Variants in NECAB2 observed in about 807,000 individuals in gnomAD.
The protein encoded by NECAB2 is N-terminal EF-hand calcium binding protein 2.
In NECAB2, 68 loss-of-function variants were observed where a neutral mutation model predicts 51.9. That is an observed-to-expected ratio of 1.31 (90% CI 1.08 to 1.60). The LOEUF is 1.60. NECAB2 is among the 40% of genes most tolerant of loss of function. The pLI is 0.00. For missense variants in NECAB2, 854 were observed against 490.3 expected, an observed-to-expected ratio of 1.74 and a Z score of -7.00; for synonymous variants, 329 against 203.5, an observed-to-expected ratio of 1.62 and a Z score of -5.25.
At chr16:84,000,667 ACTGAGGTGG>A in intron 10 of NECAB2, 48 bp from the exon 11 acceptor site, 1 of 1,494,038 alleles carries the variant, frequency 6.7e-7, no homozygotes, top group South Asian at 1.1e-5. Flanking sequence ...GGGGAACAGC[ACTGAGGTGG>A]CCTTGGTTGA....
In NECAB2 at chr16:83,973,315, C is replaced by T. The variant is rs142864492; in HGVS notation, c.226+1140C>T. 5.7e-3 allele frequency among the ~76,000 whole-genome samples: 860 copies of T among 152,116 alleles called. 9 individuals are homozygous for T. Among genetic ancestry groups the T allele is most frequent in the African/African-American group, 0.019 (806 of 41,472 alleles). ...TCCCTGGGAGTTCCTGTTGACGGCTCCCACCCAGGGCGGTTGCAGGGTGGA... is the reference window on the plus strand; with the variant it reads ...TCCCTGGGAGTTCCTGTTGACGGCTTCCACCCAGGGCGGTTGCAGGGTGGA... On this transcript the variant is annotated intron_variant, in intron 2 of 12. Transcript: ENST00000305202.
intron 8 of NECAB2, 57 bp downstream of exon 8, chr16:83,994,745 G>A (rs1437057755): frequency 6.3e-7 from 1 of 1,583,406 alleles, no homozygotes; most frequent in African/African-American, 1.3e-5. Flanking sequence ...GGAGTGCAGA[G>A]TTAAGCCTGG....
At chr16:83,997,105 A>C in intron 8 of NECAB2, 111 bp from the exon 9 acceptor site, 1 of 1,289,826 alleles carries the variant, frequency 7.8e-7, no homozygotes, top group Non-Finnish European at 1.1e-6. Flanking sequence ...CCTGTGCAAC[A>C]GGGCCGGGTC....
At chr16:84,000,684 T>G in intron 10 of NECAB2, 40 bp from the exon 11 acceptor site, 2 of 1,600,956 alleles carry the variant, frequency 1.2e-6, no homozygotes, top group Admixed American at 1.7e-5. Flanking sequence ...TGGCCTTGGT[T>G]GAGCTCCAGC....
chr16:83,966,929 T>C (rs1483734540), upstream of NECAB2, among the ~76,000 whole-genome samples: 1 of 152,134 alleles, frequency 6.6e-6, no homozygotes, highest in Non-Finnish European at 1.5e-5. Context: ...CAGGCTGGAG[T>C]GCTGTGGCGC....
chr16:84,002,223 G>A (rs1407684201), intron 12 of NECAB2, 95 bp from the exon 13 acceptor site: 4 of 1,461,204 alleles, frequency 2.7e-6, no homozygotes, highest in Non-Finnish European at 3.8e-6. Flanking sequence ...AGGACTCAAA[G>A]CCATCCCCCG....
chr16:83,996,943 C>G (rs746928926), intron 8 of NECAB2, among the ~76,000 whole-genome samples: 4 of 151,890 alleles, frequency 2.6e-5, no homozygotes, highest in Non-Finnish European at 2.9e-5. Flanking sequence ...AGGGCTGTTG[C>G]TCATCATAGT....
intron 11 of NECAB2, 120 bp downstream of exon 11, chr16:84,000,921 A>C: frequency 2.1e-6 from 2 of 967,504 alleles, no homozygotes; most frequent in Non-Finnish European, 3.2e-6. Context: ...CAGATTCCCG[A>C]GGCATCTACC....
intron 5 of NECAB2, among the ~76,000 whole-genome samples, chr16:83,988,491 A>C (rs2084582192): frequency 6.6e-6 from 1 of 152,152 alleles, no homozygotes. Flanking sequence ...TTATTGACTA[A>C]ATCCAATATA....
chr16:83,974,501 G>T (rs889201433), intron 2 of NECAB2, among the ~76,000 whole-genome samples: 6 of 152,144 alleles, frequency 3.9e-5, no homozygotes, highest in Non-Finnish European at 7.3e-5. Flanking sequence ...CAGGGAATTC[G>T]GTCTGGGGGA....
At chr16:83,977,099 CTT>C (rs2084420123) in intron 2 of NECAB2, among the ~76,000 whole-genome samples, 1 of 152,330 alleles carries the variant, frequency 6.6e-6, no homozygotes, top group African/African-American at 2.4e-5. Context: ...AAAGGAGAGT[CTT>C]TTTCTAATCC....
chr16:84,001,563 G>T (rs558266226), intron 11 of NECAB2, among the ~76,000 whole-genome samples: 2 of 152,080 alleles, frequency 1.3e-5, no homozygotes, highest in Non-Finnish European at 2.9e-5. Context: ...TAGGGTAAAG[G>T]GGGAGGTAGA....
chr16:83,980,789 C>T, intron 3 of NECAB2, 50 bp from the exon 4 acceptor site: 1 of 1,552,352 alleles, frequency 6.4e-7, no homozygotes, highest in Non-Finnish European at 8.7e-7. Flanking sequence ...GTCAGGCCTG[C>T]TAACCCCCTC....
rs61522445 is a variant in NECAB2 at position 83,999,859 on chromosome 16, C to CTTTGATTTTTAAAGGTTT, written c.963-841_963-824dup. Among the ~76,000 whole-genome samples the CTTTGATTTTTAAAGGTTT allele has an allele frequency of 1.7e-4, 26 of 150,870 alleles. No homozygotes were observed. The South Asian group carries it at 4.4e-3, about 25-fold the overall frequency. On this transcript the variant is annotated intron_variant, in intron 10 of 12. Transcript: ENST00000305202. ...AGTAGAAGGAAGAAGAGGGAAGATG[C>CTTTGATTTTTAAAGGTTT]TTTGATTTTTAAAGGTTTTTTGATT...
chr16:83,965,626 G>T (rs144447660), upstream of NECAB2: 1 of 1,613,140 alleles, frequency 6.2e-7, no homozygotes, highest in African/African-American at 1.3e-5. Context: ...CCATCCTGTC[G>T]CCCAGCCCCT....
intron 11 of NECAB2, among the ~76,000 whole-genome samples, chr16:84,001,565 G>A (rs1401503996): frequency 6.6e-6 from 1 of 152,224 alleles, no homozygotes; most frequent in South Asian, 2.1e-4. Context: ...GGGTAAAGGG[G>A]GAGGTAGAGG....
upstream of NECAB2, chr16:83,965,933 G>T: frequency 6.2e-7 from 1 of 1,612,348 alleles, no homozygotes; most frequent in Non-Finnish European, 8.5e-7. Context: ...GGACAACTTC[G>T]TGAGGTTTGT....
At chr16:83,998,419 G>C in intron 10 of NECAB2, 102 bp downstream of exon 10, 1 of 1,064,122 alleles carries the variant, frequency 9.4e-7, no homozygotes, top group East Asian at 2.6e-5. Context: ...AGTACAAGTT[G>C]CACCCCAGGG....
chr16:83,999,824 TGA>T lies in NECAB2; in HGVS notation c.963-896_963-895del, dbSNP rs372587991. Among the ~76,000 whole-genome samples, 333 of 152,182 alleles carry T rather than the reference TGA, an allele frequency of 2.2e-3. 1 individual carries two copies. The highest frequency in any genetic ancestry group is 7.6e-3 in the African/African-American group (317 of 41,498). On this transcript the variant is annotated intron_variant, in intron 10 of 12. Transcript: ENST00000305202. ...CAGTGGGGGTGTTGCAAGGATTAAATGAGAGGACAAGTAGAAGGAAGAAGAGG... is the reference window on the plus strand; with the variant it reads ...CAGTGGGGGTGTTGCAAGGATTAAATGAGGACAAGTAGAAGGAAGAAGAGG...
Sources: gnomAD v4.1 joint callset for allele counts (sites outside exome capture counted in the v4.1 genomes callset) on GRCh38, gnomAD v4.1.1 for gene constraint, MANE v1.5 for transcripts, NCBI Gene and HGNC (gene_info 2026-07-23, HGNC 2026-07-21) for gene names.